Variants in DENND1A observed in about 807,000 individuals in gnomAD.
The protein encoded by DENND1A is DENN domain-containing protein 1A.
DENND1A carries 51 observed loss-of-function variants against 113.7 expected under a neutral mutation model. The ratio of observed to expected loss-of-function variants is 0.45; its 90% CI spans 0.36 to 0.57. DENND1A has a LOEUF of 0.57. Ranked by LOEUF, DENND1A falls within the 20% of genes least tolerant of loss-of-function variation. DENND1A has a pLI of 0.00. For synonymous variants in DENND1A, 565 were observed against 570.8 expected (o/e 0.99, Z 0.14); for missense variants, 1,258 against 1,395.9 (o/e 0.90, Z 1.57).
At chr9:123,442,052 T>C (rs115586458) in intron 18 of DENND1A, among the ~76,000 whole-genome samples, 1 of 152,320 alleles carries the variant, frequency 6.6e-6, no homozygotes, top group African/African-American at 2.4e-5. Context: ...AGACAGATAA[T>C]ACAACTGAGT....
chr9:123,472,778 C>T (rs1324672533), intron 13 of DENND1A, among the ~76,000 whole-genome samples: 1 of 152,230 alleles, frequency 6.6e-6, no homozygotes, highest in African/African-American at 2.4e-5. Context: ...CTCCTCATTC[C>T]CCAAACTTCC....
chr9:123,808,309 A>G (rs1193059048), intron 2 of DENND1A, among the ~76,000 whole-genome samples: 3 of 152,068 alleles, frequency 2.0e-5, no homozygotes, highest in Non-Finnish European at 4.4e-5. Flanking sequence ...ATCAGCCTTT[A>G]GCATGCATCA....
At chr9:123,858,197 G>A (rs1844544725) in intron 2 of DENND1A, among the ~76,000 whole-genome samples, 2 of 152,218 alleles carry the variant, frequency 1.3e-5, no homozygotes, top group Non-Finnish European at 2.9e-5. Context: ...TGGTAGTACG[G>A]TATCAATGTT....
At chr9:123,528,305 G>A (rs1588994499) in intron 13 of DENND1A, among the ~76,000 whole-genome samples, 2 of 152,046 alleles carry the variant, frequency 1.3e-5, no homozygotes. Context: ...TTTCTTCTTG[G>A]GCAGCTTCTC....
intron 11 of DENND1A, among the ~76,000 whole-genome samples, chr9:123,597,840 G>A (rs2059762473): frequency 6.6e-6 from 1 of 152,112 alleles, no homozygotes; most frequent in African/African-American, 2.4e-5. Flanking sequence ...TTCCCAATCT[G>A]AGGCTTCATT....
chr9:123,827,536 G>A (rs1019675405), intron 2 of DENND1A, among the ~76,000 whole-genome samples: 5 of 151,888 alleles, frequency 3.3e-5, no homozygotes, highest in Non-Finnish European at 7.4e-5. Flanking sequence ...ACATGTACAT[G>A]TACACACAGA....
rs5021618 is a variant in DENND1A, at chr9:123,553,400, G to A, written c.993+4170C>T. Among the ~76,000 whole-genome samples the A allele has an allele frequency of 3.6e-5, 4 of 112,480 alleles. No individual in the cohort carries two copies. The South Asian group carries it at 8.3e-4, about 23-fold the overall frequency. The allele number at this position is 112,480 out of a possible 152,430, so 73.8% of individuals were successfully genotyped here. Reference sequence around the variant, plus strand: ...CTGGACATTTGCCTTTTTAAAAGCCGCCCCCCCCCCGCTCCTCATCCCTCC... The same window carrying A: ...CTGGACATTTGCCTTTTTAAAAGCCACCCCCCCCCCGCTCCTCATCCCTCC... On this transcript the variant is annotated intron_variant, in intron 13 of 23. Coordinates refer to ENST00000394215, the MANE Select transcript of DENND1A (RefSeq NM_001352964.2).
chr9:123,611,908 A>G (rs2060435135), intron 10 of DENND1A, among the ~76,000 whole-genome samples: 1 of 152,200 alleles, frequency 6.6e-6, no homozygotes, highest in South Asian at 2.1e-4. Context: ...GAAAGGGCAA[A>G]ATGGAACTCA....
intron 13 of DENND1A, among the ~76,000 whole-genome samples, chr9:123,468,923 CT>C (rs1014227226): frequency 2.0e-5 from 3 of 152,238 alleles, no homozygotes; most frequent in African/African-American, 7.2e-5. Flanking sequence ...ATGATTTCCA[CT>C]TCATGGATAA....
At chr9:123,693,874 C>T (rs2065338788) in intron 5 of DENND1A, among the ~76,000 whole-genome samples, 1 of 150,200 alleles carries the variant, frequency 6.7e-6, no homozygotes, top group South Asian at 2.1e-4. Context: ...TTTCACCAGG[C>T]GGGAGTGCAG....
chr9:123,424,441 T>G (rs956475264), intron 19 of DENND1A, among the ~76,000 whole-genome samples: 1 of 152,196 alleles, frequency 6.6e-6, no homozygotes, highest in African/African-American at 2.4e-5. Context: ...TTTCTCATCT[T>G]TACCCCCAGA....
chr9:123,381,694 G>A lies in DENND1A; in HGVS notation c.2951C>T (p.Thr984Met), dbSNP rs1046379153. 17 of 1,569,266 alleles carry A rather than the reference G, an allele frequency of 1.1e-5. No homozygotes were observed. The highest frequency in any genetic ancestry group is 2.3e-5 in the South Asian group (2 of 86,670). Residue 984 changes from threonine to methionine, a missense_variant, in exon 24 of 24, where the codon ACG (threonine) becomes ATG (methionine). By Grantham distance (81) the Thr-to-Met change is moderately conservative (BLOSUM62 -1). Around this residue, in one of 2 missense-constraint regions of DENND1A, gnomAD observed 1,159 missense variants for 1,231.7 expected, o/e 0.94. Transcript: ENST00000394215. The surrounding 1 kb of genome is among the most constrained non-coding windows in gnomAD (Gnocchi z 4.7). ...GGCACTTGAGCGGGCCAGGGGCAAC[G>A]TTCGGATCCTCGACGGGGCAACTGC... ...PPAVAPSRIRTLPLARSSARA... is the reference protein window; with the variant it reads ...PPAVAPSRIRMLPLARSSARA...
At chr9:123,544,093 T>A (rs2056482769) in intron 13 of DENND1A, among the ~76,000 whole-genome samples, 1 of 152,256 alleles carries the variant, frequency 6.6e-6, no homozygotes, top group African/African-American at 2.4e-5. Context: ...GCTTTTATCA[T>A]GATTGTCAAT....
At chr9:123,840,033 TTATAATAGTTAGAA>T (rs1169317414) in intron 2 of DENND1A, among the ~76,000 whole-genome samples, 1 of 152,054 alleles carries the variant, frequency 6.6e-6, no homozygotes, top group Non-Finnish European at 1.5e-5. Flanking sequence ...AATTAAATTG[TTATAATAGTTAGAA>T]ATGGAACATC....
At chr9:123,861,122 C>T (rs1844997815) in intron 2 of DENND1A, among the ~76,000 whole-genome samples, 1 of 152,194 alleles carries the variant, frequency 6.6e-6, no homozygotes, top group Non-Finnish European at 1.5e-5. Flanking sequence ...TAGTCCAGTC[C>T]AATGCCTATT....
At chr9:123,639,512 C>T (rs1314574356) in intron 9 of DENND1A, among the ~76,000 whole-genome samples, 1 of 149,092 alleles carries the variant, frequency 6.7e-6, no homozygotes, top group Non-Finnish European at 1.5e-5. Flanking sequence ...CAGCCACACT[C>T]ACGCCTGTAA....
At chr9:123,682,903 T>C (rs1303773588) in intron 5 of DENND1A, among the ~76,000 whole-genome samples, 1 of 152,164 alleles carries the variant, frequency 6.6e-6, no homozygotes, top group East Asian at 1.9e-4. Flanking sequence ...AAATTCCTCA[T>C]ACCATGTGGT....
intron 9 of DENND1A, among the ~76,000 whole-genome samples, chr9:123,633,125 C>G (rs1232984249): frequency 6.6e-6 from 1 of 151,990 alleles, no homozygotes; most frequent in African/African-American, 2.4e-5. Context: ...CCAGGCTGGT[C>G]TCAAACTCCT....
chr9:123,411,712 T>G, intron 20 of DENND1A, 64 bp downstream of exon 20: 1 of 977,960 alleles, frequency 1.0e-6, no homozygotes, highest in Non-Finnish European at 1.2e-6. Context: ...GGAGGTTTAG[T>G]CAGGCTGAGG....
Sources: gnomAD v4.1 joint callset for allele counts (sites outside exome capture counted in the v4.1 genomes callset) on GRCh38, gnomAD v4.1.1 for gene constraint, gnomAD v4.1.1 regional missense constraint, Gnocchi (gnomAD v3.1) non-coding constraint, MANE v1.5 for transcripts, NCBI Gene and HGNC (gene_info 2026-07-23, HGNC 2026-07-21) for gene names.